The following CDH13 variants were observed in gnomAD, a reference collection of about 807,000 sequenced individuals.
CDH13 encodes cadherin 13.
CDH13 carries 24 observed loss-of-function variants against 63.8 expected under a neutral mutation model. That is an observed-to-expected ratio of 0.38 (90% confidence interval 0.27 to 0.53). The LOEUF is 0.53. Among genes scored for constraint, CDH13 ranks in the 20% least tolerant of loss-of-function variants. CDH13 has a pLI of 0.85. For synonymous variants in CDH13, 503 were observed against 355.3 expected, an observed-to-expected ratio of 1.42 and a Z score of -4.67; for missense variants, 1,049 against 903.1, an observed-to-expected ratio of 1.16 and a Z score of -2.07.
At chr16:83,220,330 G>A (rs1458629476) in intron 5 of CDH13, among the ~76,000 whole-genome samples, 1 of 152,168 alleles carries the variant, frequency 6.6e-6, no homozygotes, top group Non-Finnish European at 1.5e-5. Flanking sequence ...CAGGAATGTT[G>A]CAATTTCCGT....
intron 8 of CDH13, among the ~76,000 whole-genome samples, chr16:83,648,403 G>A (rs1177764543): frequency 2.0e-5 from 3 of 152,144 alleles, no homozygotes; most frequent in Non-Finnish European, 4.4e-5. Flanking sequence ...AAGAAGGTAA[G>A]GCTTCATGGT....
rs114593248 is a variant in CDH13 at position 83,601,684 on chromosome 16, T to C, written c.961-770T>C. Among the ~76,000 whole-genome samples, 1,074 of 152,328 alleles carry C rather than the reference T, an allele frequency of 7.1e-3. 8 individuals are homozygous for C. Among genetic ancestry groups the C allele is most frequent in the African/African-American group, 0.024 (1,008 of 41,566 alleles). ...AATGCCTGCCTCATCAGATTTTCAG[T>C]AAATGTGAGTTCCTAAAGCTGCCAT... On this transcript the variant is annotated intron_variant, in intron 7 of 13. Coordinates refer to ENST00000567109, the MANE Select transcript of CDH13 (RefSeq NM_001257.5).
rs78904085 is a variant in CDH13 at position 83,117,253 on chromosome 16, G to A, written c.367-8132G>A. On this transcript the variant is annotated intron_variant, in intron 3 of 13. Transcript: ENST00000567109. ...TCCAGGGTCTGACTTCCCTTCACCA[G>A]GTCCAGACTGTCTCCTTCACCTCAC... is the stretch of plus-strand genomic sequence containing the variant. Among the ~76,000 whole-genome samples the A allele has an allele frequency of 4.3e-4, 66 of 152,264 alleles. 1 individual carries two copies. Among genetic ancestry groups the A allele is most frequent in the Non-Finnish European group, 6.3e-4 (43 of 68,020 alleles).
At chr16:83,471,473 A>G (rs145809290) in intron 6 of CDH13, among the ~76,000 whole-genome samples, 3,811 of 152,008 alleles carry the variant, frequency 0.025, 161 homozygotes, top group African/African-American at 0.087. Flanking sequence ...ATAGGGTTTT[A>G]CCATCTTGGC....
At chr16:83,693,530 C>G (rs564835608) in intron 10 of CDH13, among the ~76,000 whole-genome samples, 1 of 152,330 alleles carries the variant, frequency 6.6e-6, no homozygotes, top group South Asian at 2.1e-4. Context: ...TGATAACAGT[C>G]TCTTCCTCAT....
At chr16:83,212,745 C>G (rs757602079) in intron 4 of CDH13, among the ~76,000 whole-genome samples, 3 of 152,112 alleles carry the variant, frequency 2.0e-5, no homozygotes, top group African/African-American at 4.8e-5. Context: ...TGAGAATCAC[C>G]TGGGGAGGGG....
Position 83,658,099 on chromosome 16 carries a change from A to G in CDH13, c.1102-12691A>G, listed in dbSNP as rs558173139. 4.1e-3 allele frequency among the ~76,000 whole-genome samples: 288 copies of G among 70,048 alleles called. 3 individuals are homozygous for G. The highest frequency in any genetic ancestry group is 0.016 in the African/African-American group (259 of 16,678). 46.0% of individuals were successfully genotyped at this position (70,048 alleles called of 152,430 possible). A position where few individuals can be genotyped will look rare whatever the true frequency, so the allele number is the denominator to read the frequency against. On this transcript the variant is annotated intron_variant, in intron 8 of 13. Coordinates refer to ENST00000567109, the MANE Select transcript of CDH13 (RefSeq NM_001257.5). ...CATGTCCTCACCAGCAAGGTCCCAT[A>G]TCCTCACCACCAGGTGCCATATCCT...
chr16:83,376,556 A>G (rs547022518), intron 6 of CDH13, among the ~76,000 whole-genome samples: 2 of 152,304 alleles, frequency 1.3e-5, no homozygotes, highest in African/African-American at 4.8e-5. Flanking sequence ...GAAAAAAATT[A>G]TTCTGGCTTT....
chr16:82,836,121 T>C (rs2038755935), intron 1 of CDH13, among the ~76,000 whole-genome samples: 1 of 152,152 alleles, frequency 6.6e-6, no homozygotes, highest in Admixed American at 6.5e-5. Context: ...TTTTGCATTT[T>C]GTTTGCTTGT....
intron 3 of CDH13, among the ~76,000 whole-genome samples, chr16:83,032,750 G>A (rs573338238): frequency 1.2e-4 from 18 of 152,228 alleles, no homozygotes; most frequent in Admixed American, 4.6e-4. Flanking sequence ...GCCACGTCTC[G>A]GTCACATTTC....
intron 6 of CDH13, among the ~76,000 whole-genome samples, chr16:83,425,228 G>A (rs1324196788): frequency 6.6e-6 from 1 of 152,164 alleles, no homozygotes; most frequent in African/African-American, 2.4e-5. Context: ...TCTCCCTTTG[G>A]CCATTTGATG....
chr16:83,461,962 TC>T (rs968487805), intron 6 of CDH13, among the ~76,000 whole-genome samples: 26 of 152,234 alleles, frequency 1.7e-4, no homozygotes, highest in African/African-American at 6.3e-4. Flanking sequence ...GCTGTACACC[TC>T]CCTGTCCCTA....
chr16:82,928,133 C>T (rs1352084356), intron 2 of CDH13, among the ~76,000 whole-genome samples: 2 of 150,036 alleles, frequency 1.3e-5, no homozygotes, highest in Admixed American at 1.3e-4. Flanking sequence ...TCATTTTTCT[C>T]CATTCAATAA....
At chr16:82,802,771 C>T (rs1679741652) in intron 1 of CDH13, among the ~76,000 whole-genome samples, 3 of 152,128 alleles carry the variant, frequency 2.0e-5, no homozygotes, top group Non-Finnish European at 4.4e-5. Flanking sequence ...TGTTTAGGTA[C>T]ATTTCTGCCT....
chr16:83,392,845 A>G (rs540518637), intron 6 of CDH13, among the ~76,000 whole-genome samples: 57 of 150,810 alleles, frequency 3.8e-4, no homozygotes, highest in African/African-American at 1.3e-3. Context: ...GGATGGAGGT[A>G]GCTTCTAGAA....
At chr16:83,306,044 A>C (rs7498288) in intron 5 of CDH13, among the ~76,000 whole-genome samples, 77,739 of 152,022 alleles carry the variant, frequency 0.51, 20,017 homozygotes, top group East Asian at 0.55. Context: ...GCATCCCTTT[A>C]CTGCACCCCC....
At chr16:83,499,039 C>T (rs777632340) in intron 7 of CDH13, among the ~76,000 whole-genome samples, 1 of 152,088 alleles carries the variant, frequency 6.6e-6, no homozygotes, top group Admixed American at 6.5e-5. Context: ...TTTTTTGATG[C>T]AGAAGTTTCT....
chr16:82,984,053 A>G (rs1385421990), intron 2 of CDH13, among the ~76,000 whole-genome samples: 1 of 152,226 alleles, frequency 6.6e-6, no homozygotes, highest in Non-Finnish European at 1.5e-5. Context: ...ACAGTTGTAG[A>G]AATTCAAAAG....
intron 10 of CDH13, among the ~76,000 whole-genome samples, chr16:83,744,534 CT>C (rs756784804): frequency 1.3e-5 from 2 of 152,258 alleles, no homozygotes; most frequent in Non-Finnish European, 2.9e-5. Flanking sequence ...CATCTGTCCC[CT>C]GTCACAGTTG....
Sources: gnomAD v4.1 joint callset for allele counts (sites outside exome capture counted in the v4.1 genomes callset) on GRCh38, gnomAD v4.1.1 for gene constraint, MANE v1.5 for transcripts, NCBI Gene and HGNC (gene_info 2026-07-23, HGNC 2026-07-21) for gene names.